RUNX2: variants seen among roughly 807,000 people sequenced by gnomAD.
RUNX2 encodes the protein runt-related transcription factor 2.
A neutral mutation model predicts 51.7 loss-of-function variants in RUNX2; 10 were observed. The ratio of observed to expected loss-of-function variants is 0.19; its 90% CI spans 0.12 to 0.33. RUNX2 has a LOEUF of 0.33. Ranked by LOEUF, RUNX2 falls within the 10% of genes least tolerant of loss-of-function variation. RUNX2 has a pLI of 1.00. For synonymous variants in RUNX2, 276 were observed against 273.6 expected, an observed-to-expected ratio of 1.01 and a Z score of -0.09; for missense variants, 562 against 691.3, an observed-to-expected ratio of 0.81 and a Z score of 2.10.
At chr6:45,522,755 G>A (rs1158143050) in intron 7 of RUNX2, among the ~76,000 whole-genome samples, 2 of 152,196 alleles carry the variant, frequency 1.3e-5, no homozygotes, top group African/African-American at 4.8e-5. Context: ...GCATAATGTC[G>A]TGGGAAGTAC....
chr6:45,447,918 C>T (rs146682728), intron 5 of RUNX2, among the ~76,000 whole-genome samples: 2 of 152,248 alleles, frequency 1.3e-5, no homozygotes, highest in East Asian at 1.9e-4. Flanking sequence ...ATGTGAGAGG[C>T]GTTCTGCTGA....
intron 7 of RUNX2, among the ~76,000 whole-genome samples, chr6:45,539,187 G>A (rs2150446184): frequency 6.9e-6 from 1 of 144,568 alleles, no homozygotes; most frequent in South Asian, 2.1e-4. Flanking sequence ...TTAAGGAATG[G>A]CTGAATTTTC....
At position 45,340,643 on chromosome 6, in the gene RUNX2, G is replaced by GA. The variant is rs776564679; in HGVS notation, c.58+11868dup. 1.4e-4 allele frequency among the ~76,000 whole-genome samples: 21 copies of GA among 149,560 alleles called. 1 individual carries two copies. The highest frequency in any genetic ancestry group is 4.4e-4 in the African/African-American group (18 of 40,760). ...CTGGCCTTTAGGTCGAGTTTGATCAGAAAAAAAAAGTTTCAAGGAATTAGA... is the reference window on the plus strand; with the variant it reads ...CTGGCCTTTAGGTCGAGTTTGATCAGAAAAAAAAAAGTTTCAAGGAATTAGA... On this transcript the variant is annotated intron_variant, in intron 2 of 8. Transcript: ENST00000647337.
intron 2 of RUNX2, among the ~76,000 whole-genome samples, chr6:45,387,799 G>A (rs769524752): frequency 1.5e-4 from 23 of 152,322 alleles, no homozygotes; most frequent in Middle Eastern, 3.4e-3. Context: ...CAGGAGAGCA[G>A]AGTTTCAGAG....
At chr6:45,521,259 C>G (rs1015659736) in intron 7 of RUNX2, among the ~76,000 whole-genome samples, 1 of 151,984 alleles carries the variant, frequency 6.6e-6, no homozygotes, top group African/African-American at 2.4e-5. Context: ...TCACCTGGAA[C>G]AACAAAGAAA....
At chr6:45,418,276 C>T (rs1355042822) in intron 2 of RUNX2, among the ~76,000 whole-genome samples, 1 of 152,204 alleles carries the variant, frequency 6.6e-6, no homozygotes, top group Admixed American at 6.5e-5. Flanking sequence ...AATAACCTGA[C>T]TGCTTCACAT....
At chr6:45,396,488 C>T (rs776232073) in intron 2 of RUNX2, among the ~76,000 whole-genome samples, 8 of 152,180 alleles carry the variant, frequency 5.3e-5, no homozygotes, top group Non-Finnish European at 1.2e-4. Flanking sequence ...TCACTGCATT[C>T]TTGAATTCCT....
At chr6:45,389,284 G>T (rs1389675367) in intron 2 of RUNX2, among the ~76,000 whole-genome samples, 1 of 152,060 alleles carries the variant, frequency 6.6e-6, no homozygotes, top group Non-Finnish European at 1.5e-5. Flanking sequence ...CAATAATCTT[G>T]CCATTGCTCA....
intron 2 of RUNX2, chr6:45,371,748 G>GA (rs1322240314): frequency 1.3e-6 from 1 of 751,706 alleles, no homozygotes; most frequent in Non-Finnish European, 1.6e-6. Flanking sequence ...TTGTTTAAAA[G>GA]AAAATCTTAG....
At chr6:45,499,994 C>G (rs76505346) in intron 6 of RUNX2, among the ~76,000 whole-genome samples, 4 of 152,208 alleles carry the variant, frequency 2.6e-5, no homozygotes, top group Non-Finnish European at 5.9e-5. Flanking sequence ...GCTTAGGGTC[C>G]TTTTTTGCCC....
At chr6:45,505,647 T>G (rs1378946703) in intron 6 of RUNX2, among the ~76,000 whole-genome samples, 1 of 152,180 alleles carries the variant, frequency 6.6e-6, no homozygotes, top group Admixed American at 6.5e-5. Context: ...TTTTGCCTGA[T>G]GAAAGGCAAC....
rs561229045 is a variant in RUNX2 at position 45,331,190 on chromosome 6, C to G, written c.58+2406C>G. 3.1e-4 allele frequency among the ~76,000 whole-genome samples: 47 copies of G among 152,044 alleles called. 1 individual carries two copies. Among genetic ancestry groups the G allele is most frequent in the African/African-American group, 1.0e-3 (43 of 41,502 alleles). ...GTGTCCTTGATCTCTCAGCATACTT[C>G]ACTTTGAGTTAATCAAAAATTTTCA... On this transcript the variant is annotated intron_variant, in intron 2 of 8. Transcript: ENST00000647337.
chr6:45,351,057 T>C (rs940744512), intron 2 of RUNX2, among the ~76,000 whole-genome samples: 1 of 152,086 alleles, frequency 6.6e-6, no homozygotes, highest in Non-Finnish European at 1.5e-5. Flanking sequence ...GGTGTAACAG[T>C]TGCATCCCAA....
chr6:45,342,226 G>C (rs1789929493), intron 2 of RUNX2, among the ~76,000 whole-genome samples: 1 of 151,444 alleles, frequency 6.6e-6, no homozygotes, highest in Non-Finnish European at 1.5e-5. Context: ...GTTGTGCCTA[G>C]TGAAAAAAAA....
intron 2 of RUNX2, among the ~76,000 whole-genome samples, chr6:45,411,002 G>A (rs1488815795): frequency 2.0e-5 from 3 of 152,196 alleles, no homozygotes; most frequent in Non-Finnish European, 2.9e-5. Context: ...CAGAGAAGAA[G>A]TGTAGTTTAC....
intron 7 of RUNX2, among the ~76,000 whole-genome samples, chr6:45,532,378 C>T (rs776937378): frequency 2.6e-5 from 4 of 151,888 alleles, no homozygotes; most frequent in Non-Finnish European, 2.9e-5. Context: ...ATGATTTCAT[C>T]CCCGCCCCTC....
intron 5 of RUNX2, among the ~76,000 whole-genome samples, chr6:45,481,655 A>T (rs1173131295): frequency 6.6e-6 from 1 of 152,242 alleles, no homozygotes; most frequent in African/African-American, 2.4e-5. Context: ...GAGACTGGGC[A>T]TAATGTAATA....
intron 2 of RUNX2, among the ~76,000 whole-genome samples, chr6:45,395,001 C>T (rs1797552390): frequency 6.6e-6 from 1 of 152,064 alleles, no homozygotes; most frequent in African/African-American, 2.4e-5. Flanking sequence ...TTTATTGTTG[C>T]TCTTTTTAAT....
At chr6:45,399,390 C>T (rs1365032050) in intron 2 of RUNX2, among the ~76,000 whole-genome samples, 5 of 100,590 alleles carry the variant, frequency 5.0e-5, no homozygotes, top group Non-Finnish European at 7.6e-5. Context: ...GATGGAGTCT[C>T]GCTCTGTCAC....
Sources: gnomAD v4.1 joint callset for allele counts (sites outside exome capture counted in the v4.1 genomes callset) on GRCh38, gnomAD v4.1.1 for gene constraint, MANE v1.5 for transcripts, NCBI Gene and HGNC (gene_info 2026-07-23, HGNC 2026-07-21) for gene names.